Variants in NUP210L observed in about 807,000 individuals in gnomAD.
NUP210L encodes the protein nucleoporin 210 like.
In NUP210L, 74 loss-of-function variants were observed where a neutral mutation model predicts 208.5. That is an observed-to-expected ratio of 0.35 (90% CI 0.29 to 0.43). The LOEUF is 0.43. Among genes scored for constraint, NUP210L ranks in the 20% least tolerant of loss-of-function variants. The pLI is 1.00. For synonymous variants in NUP210L, 780 were observed against 816.9 expected (o/e 0.95, Z 0.77); for missense variants, 1,843 against 2,289.4 (o/e 0.81, Z 3.98).
intron 15 of NUP210L, among the ~76,000 whole-genome samples, chr1:154,092,118 C>A (rs1455513055): frequency 6.7e-6 from 1 of 149,822 alleles, no homozygotes; most frequent in African/African-American, 2.5e-5. Context: ...CTCTGTCGCC[C>A]AGGCTGGAGT....
chr1:154,095,061 G>A (rs770223987), exon 15 of NUP210L: 33 of 1,614,064 alleles, frequency 2.0e-5, no homozygotes, highest in Middle Eastern at 3.3e-4. Flanking sequence ...AAAAAAATCG[G>A]GAGGGCTCCA....
Position 154,078,712 on chromosome 1 carries a change from G to A in NUP210L, c.2362-8247C>T, listed in dbSNP as rs116041827. The stretch of plus-strand genomic sequence containing the variant: ...AAGGGACAGGAAATGGGTTTATATC[G>A]GAGCAAAGGTTTTATACACTACTGA... On this transcript the variant is annotated intron_variant, in intron 16 of 39. Transcript: ENST00000368559. Among the ~76,000 whole-genome samples the A allele has an allele frequency of 7.8e-3, 1,186 of 151,966 alleles. 22 individuals carry two copies. The highest frequency in any genetic ancestry group is 0.027 in the African/African-American group (1,111 of 41,446).
chr1:154,067,605 C>T (rs1654483252), intron 17 of NUP210L, among the ~76,000 whole-genome samples: 1 of 152,054 alleles, frequency 6.6e-6, no homozygotes, highest in South Asian at 2.1e-4. Flanking sequence ...GACAATCAGG[C>T]AAGAGAAAGA....
intron 34 of NUP210L, 94 bp from the exon 35 acceptor site, chr1:154,010,215 A>G (rs981392393): frequency 8.1e-7 from 1 of 1,239,186 alleles, no homozygotes; most frequent in African/African-American, 1.5e-5. Context: ...AGCATAAAAA[A>G]AATAAGCAAG....
intron 23 of NUP210L, among the ~76,000 whole-genome samples, chr1:154,055,761 A>C (rs1234253681): frequency 6.6e-6 from 1 of 152,266 alleles, no homozygotes; most frequent in African/African-American, 2.4e-5. Flanking sequence ...AAAGATATGT[A>C]ATTTTATGTG....
chr1:154,138,317 TACTTCTTTTAA>T (rs1658652510), intron 5 of NUP210L, 79 bp from the exon 6 acceptor site: 11 of 1,285,268 alleles, frequency 8.6e-6, no homozygotes, highest in South Asian at 6.2e-5. Context: ...GTTAAAAGCT[TACTTCTTTTAA>T]ACTTCTTTTA....
At chr1:154,144,048 G>A (rs1250441998) in intron 2 of NUP210L, among the ~76,000 whole-genome samples, 1 of 152,058 alleles carries the variant, frequency 6.6e-6, no homozygotes, top group Non-Finnish European at 1.5e-5. Context: ...CTGGAGTGGT[G>A]GCGGGCACCT....
chr1:154,093,284 C>T (rs1336133790), intron 15 of NUP210L, among the ~76,000 whole-genome samples: 1 of 151,878 alleles, frequency 6.6e-6, no homozygotes, highest in Non-Finnish European at 1.5e-5. Flanking sequence ...CAAAATTAGC[C>T]GGGTGTGGTG....
intron 6 of NUP210L, among the ~76,000 whole-genome samples, chr1:154,137,127 A>T (rs1339896173): frequency 1.3e-5 from 2 of 152,028 alleles, no homozygotes; most frequent in Non-Finnish European, 2.9e-5. Flanking sequence ...ATTTTTAGAG[A>T]TGAGGTCTCA....
chr1:154,101,537 T>A lies in NUP210L; in HGVS notation c.1820-1394A>T, dbSNP rs115836632. ...TACATTAACAATTAGGCCCTTTATA[T>A]CAAGTTGATATCTGTTCTTTCTATT... On this transcript the variant is annotated intron_variant, in intron 13 of 39. Transcript: ENST00000368559. Among the ~76,000 whole-genome samples, 429 of 152,252 alleles carry A rather than the reference T, an allele frequency of 2.8e-3. 7 individuals carry two copies. The highest frequency in any genetic ancestry group is 9.9e-3 in the African/African-American group (410 of 41,554).
chr1:154,140,841 A>G (rs186913563), intron 4 of NUP210L, among the ~76,000 whole-genome samples: 27 of 150,650 alleles, frequency 1.8e-4, no homozygotes, highest in Non-Finnish European at 3.1e-4. Context: ...AACAACAAAA[A>G]AAATTAGCTG....
intron 27 of NUP210L, among the ~76,000 whole-genome samples, chr1:154,034,661 G>T (rs1344122900): frequency 1.3e-5 from 2 of 151,898 alleles, no homozygotes; most frequent in Non-Finnish European, 2.9e-5. Context: ...TCATGGTGTT[G>T]ATCTCATTAC....
chr1:154,104,428 A>C, intron 12 of NUP210L: 1 of 535,122 alleles, frequency 1.9e-6, no homozygotes, highest in South Asian at 2.2e-5. Flanking sequence ...GGAAGGAGCC[A>C]CTGAAGGGGC....
At chr1:154,113,414 T>C (rs984247185) in intron 12 of NUP210L, among the ~76,000 whole-genome samples, 3 of 152,008 alleles carry the variant, frequency 2.0e-5, no homozygotes, top group Non-Finnish European at 4.4e-5. Flanking sequence ...TCTAACTCCA[T>C]GTAGGAGGGG....
At chr1:154,023,401 C>T in intron 30 of NUP210L, 104 bp from the exon 31 acceptor site, 7 of 921,002 alleles carry the variant, frequency 7.6e-6, no homozygotes. Context: ...TGTTTCTTTT[C>T]CATAGGAAAT....
At chr1:154,054,974 C>G (rs1476115308) in intron 23 of NUP210L, 142 bp from the exon 24 acceptor site, 2 of 640,082 alleles carry the variant, frequency 3.1e-6, no homozygotes, top group African/African-American at 3.7e-5. Context: ...GATCACAGCT[C>G]ACTGCAGCCT....
intron 23 of NUP210L, among the ~76,000 whole-genome samples, chr1:154,055,792 G>A (rs1350535098): frequency 6.6e-6 from 1 of 152,154 alleles, no homozygotes; most frequent in African/African-American, 2.4e-5. Context: ...AAATTTAAAA[G>A]TATTTAAGTA....
At chr1:154,118,647 G>A in intron 11 of NUP210L, 24 bp downstream of exon 11, 1 of 1,406,254 alleles carries the variant, frequency 7.1e-7, no homozygotes, top group Non-Finnish European at 9.4e-7. Context: ...TTATCTCCTT[G>A]TGAAGCCTTA....
At chr1:154,020,086 C>T (rs1000957738) in intron 32 of NUP210L, among the ~76,000 whole-genome samples, 1 of 152,212 alleles carries the variant, frequency 6.6e-6, no homozygotes. Flanking sequence ...GTTTGCAAAT[C>T]AGCTGTTATA....
Sources: gnomAD v4.1 joint callset for allele counts (sites outside exome capture counted in the v4.1 genomes callset) on GRCh38, gnomAD v4.1.1 for gene constraint, MANE v1.5 for transcripts, NCBI Gene and HGNC (gene_info 2026-07-23, HGNC 2026-07-21) for gene names.